The following LINGO2 variants were observed in gnomAD, a reference collection of about 807,000 sequenced individuals.
LINGO2 encodes leucine-rich repeat and immunoglobulin-like domain-containing nogo receptor-interacting protein 2.
A neutral mutation model predicts 30.6 loss-of-function variants in LINGO2; 14 were observed. That is an observed-to-expected ratio of 0.46 (90% CI 0.30 to 0.72). The LOEUF (loss-of-function observed/expected upper bound fraction) is 0.72. Ranked by LOEUF, LINGO2 falls within the 30% of genes least tolerant of loss-of-function variation. LINGO2 has a pLI of 0.07. For missense variants in LINGO2, 729 were observed against 751.7 expected (o/e 0.97, Z 0.35); for synonymous variants, 317 against 288.5 (o/e 1.10, Z -1.00).
rs61437576 is a variant in LINGO2 at position 28,537,870 on chromosome 9, TAA to T, written c.-364-61847_-364-61846del. 6.4e-4 allele frequency among the ~76,000 whole-genome samples: 88 copies of T among 138,340 alleles called. 1 individual carries two copies. Among genetic ancestry groups the T allele is most frequent in the East Asian group, 5.8e-3 (28 of 4,806 alleles). 90.8% of individuals were successfully genotyped at this position (138,340 alleles called of 152,430 possible). A position where few individuals can be genotyped will look rare whatever the true frequency, so the allele number is the denominator to read the frequency against. Reference sequence around the variant, plus strand: ...AGTGTCAGTATCAAAAGTGTTAAATTAAAAAAAAAAAAAACTTAAACACTTCT... The same window carrying T: ...AGTGTCAGTATCAAAAGTGTTAAATTAAAAAAAAAAAACTTAAACACTTCT... On this transcript the variant is annotated intron_variant, in intron 1 of 5. Transcript: ENST00000379992.
the LINGO2 span, among the ~76,000 whole-genome samples, chr9:29,017,992 A>G: frequency 6.6e-6 from 1 of 150,574 alleles, no homozygotes; most frequent in Non-Finnish European, 1.5e-5. Context: ...CTGCCCATCA[A>G]TGGTGGACTG....
the LINGO2 span, among the ~76,000 whole-genome samples, chr9:28,907,735 G>A: frequency 6.6e-6 from 1 of 151,690 alleles, no homozygotes; most frequent in Non-Finnish European, 1.5e-5. Flanking sequence ...TGAATGTACA[G>A]AAAATGAAGC....
chr9:28,705,972 T>G, the LINGO2 span, among the ~76,000 whole-genome samples: 1 of 152,066 alleles, frequency 6.6e-6, no homozygotes, highest in African/African-American at 2.4e-5. Flanking sequence ...GTTGTTAGGA[T>G]AGAGTAACAA....
chr9:28,991,911 A>G, the LINGO2 span, among the ~76,000 whole-genome samples: 23 of 152,124 alleles, frequency 1.5e-4, no homozygotes, highest in Non-Finnish European at 3.4e-4. Context: ...CTGCAAAAGC[A>G]TGCCAAATTG....
the LINGO2 span, among the ~76,000 whole-genome samples, chr9:29,103,901 C>A: frequency 3.3e-5 from 5 of 152,178 alleles, no homozygotes; most frequent in Non-Finnish European, 7.3e-5. Context: ...CCAACTTCAA[C>A]TTTTAATAGC....
At chr9:28,230,390 C>G (rs1219954251) in intron 4 of LINGO2, among the ~76,000 whole-genome samples, 1 of 151,822 alleles carries the variant, frequency 6.6e-6, no homozygotes, top group Non-Finnish European at 1.5e-5. Flanking sequence ...CTTTATCATA[C>G]ATGAAACTAT....
chr9:29,085,281 T>TAAAAAAAAAAAAAAAAAA, the LINGO2 span, among the ~76,000 whole-genome samples: 9 of 77,032 alleles, frequency 1.2e-4, no homozygotes, highest in South Asian at 5.4e-4. Context: ...CTATGGTAAG[T>TAAAAAAAAAAAAAAAAAA]AAAAAAAAAA....
the LINGO2 span, among the ~76,000 whole-genome samples, chr9:28,686,588 C>A: frequency 6.6e-6 from 1 of 151,956 alleles, no homozygotes; most frequent in Non-Finnish European, 1.5e-5. Flanking sequence ...AAATGGCAAG[C>A]AGAACACCTG....
At chr9:29,144,984 T>G in the LINGO2 span, among the ~76,000 whole-genome samples, 1 of 152,246 alleles carries the variant, frequency 6.6e-6, no homozygotes, top group Non-Finnish European at 1.5e-5. Flanking sequence ...TTTCATTATC[T>G]GCTTTGTTTT....
intron 4 of LINGO2, among the ~76,000 whole-genome samples, chr9:28,057,282 T>C (rs1587786477): frequency 6.8e-6 from 1 of 147,498 alleles, no homozygotes; most frequent in Non-Finnish European, 1.5e-5. Context: ...AAAGTAAAGT[T>C]TTTTTTTTTT....
the LINGO2 span, among the ~76,000 whole-genome samples, chr9:29,116,431 A>G: frequency 6.6e-6 from 1 of 151,718 alleles, no homozygotes; most frequent in Admixed American, 6.6e-5. Flanking sequence ...TATAATTTGT[A>G]TTCATTTATA....
chr9:28,824,014 G>T, the LINGO2 span, among the ~76,000 whole-genome samples: 1 of 152,082 alleles, frequency 6.6e-6, no homozygotes, highest in African/African-American at 2.4e-5. Flanking sequence ...GAAAAAAAAA[G>T]TTGGTATCAC....
rs75723298 is a variant in LINGO2, at chr9:28,383,419, C to T, written c.-278-10551G>A. Among the ~76,000 whole-genome samples the T allele has an allele frequency of 6.2e-3, 940 of 151,960 alleles. 2 individuals carry two copies. Among genetic ancestry groups the T allele is most frequent in the Admixed American group, 0.01 (157 of 15,220 alleles). On this transcript the variant is annotated intron_variant, in intron 2 of 5. Coordinates refer to ENST00000379992, the Ensembl canonical transcript of LINGO2. ...AGTATGAAAAAGGCTTGAGAAAGTC[C>T]GTGATCACATTGGAGGAAGGTTTCC... is the stretch of plus-strand genomic sequence containing the variant.
At position 28,374,206 on chromosome 9, in the gene LINGO2, T is replaced by TATATATATATATA. The variant is rs1554713022; in HGVS notation, c.-278-1339_-278-1338insTATATATATATAT. On this transcript the variant is annotated intron_variant, in intron 2 of 5. Coordinates refer to ENST00000379992, the Ensembl canonical transcript of LINGO2. The stretch of plus-strand genomic sequence containing the variant: ...CTCTACTTTTGTTAAAAATATGTTT[T>TATATATATATATA]TATTTATATATATATATATATATAT... Among the ~76,000 whole-genome samples, 314 of 109,768 alleles carry TATATATATATATA rather than the reference T, an allele frequency of 2.9e-3. 11 individuals are homozygous for TATATATATATATA. Among genetic ancestry groups the TATATATATATATA allele is most frequent in the Admixed American group, 0.019 (196 of 10,574 alleles). 72.0% of individuals were successfully genotyped at this position (109,768 alleles called of 152,430 possible).
the LINGO2 span, among the ~76,000 whole-genome samples, chr9:29,171,703 G>A: frequency 2.6e-5 from 4 of 151,506 alleles, no homozygotes; most frequent in African/African-American, 7.3e-5. Context: ...ATCACTTGGC[G>A]GAAAAATATT....
At chr9:29,034,926 G>C in the LINGO2 span, among the ~76,000 whole-genome samples, 1 of 152,048 alleles carries the variant, frequency 6.6e-6, no homozygotes, top group Admixed American at 6.6e-5. Flanking sequence ...TCCTACTTTA[G>C]AAAGGTGAAC....
At chr9:28,979,558 C>T in the LINGO2 span, among the ~76,000 whole-genome samples, 19 of 152,074 alleles carry the variant, frequency 1.2e-4, no homozygotes, top group South Asian at 2.9e-3. Flanking sequence ...CTCAAGGCCC[C>T]GTATATTCCA....
the LINGO2 span, among the ~76,000 whole-genome samples, chr9:28,883,432 C>T: frequency 1.3e-5 from 2 of 151,492 alleles, no homozygotes; most frequent in South Asian, 2.1e-4. Context: ...CATCTTTCTA[C>T]CACACTCACT....
chr9:28,407,631 T>G (rs1247286448), intron 2 of LINGO2, among the ~76,000 whole-genome samples: 1 of 152,046 alleles, frequency 6.6e-6, no homozygotes, highest in Non-Finnish European at 1.5e-5. Context: ...TTGCAGCACA[T>G]AGCAAAACAA....
Sources: allele counts gnomAD v4.1 joint callset (sites outside exome capture counted in the v4.1 genomes callset), GRCh38; gene constraint gnomAD v4.1.1; transcripts MANE v1.5; gene names NCBI Gene and HGNC (gene_info 2026-07-23, HGNC 2026-07-21).